The following GRM7 variants were observed in gnomAD, a reference collection of about 807,000 sequenced individuals.
The protein encoded by GRM7 is metabotropic glutamate receptor 7.
In GRM7, 35 loss-of-function variants were observed where a neutral mutation model predicts 84.5. That is an observed-to-expected ratio of 0.41 (90% CI 0.32 to 0.55). GRM7 has a LOEUF of 0.55. Ranked by LOEUF, GRM7 falls within the 20% of genes least tolerant of loss-of-function variation. GRM7 has a pLI of 0.19. For synonymous variants in GRM7, 487 were observed against 455.1 expected (o/e 1.07, Z -0.89); for missense variants, 1,003 against 1,194.6 (o/e 0.84, Z 2.36).
chr3:7,374,121 T>A (rs1694247933), intron 4 of GRM7, among the ~76,000 whole-genome samples: 1 of 152,072 alleles, frequency 6.6e-6, no homozygotes, highest in South Asian at 2.1e-4. Flanking sequence ...CAAAACAAAG[T>A]CCAAGTAACA....
At chr3:7,594,623 C>T (rs1328738855) in intron 8 of GRM7, among the ~76,000 whole-genome samples, 2 of 152,122 alleles carry the variant, frequency 1.3e-5, no homozygotes, top group Non-Finnish European at 2.9e-5. Context: ...AACCTGTCTT[C>T]CCGACAGGCC....
At chr3:7,209,765 G>A (rs896898955) in intron 2 of GRM7, among the ~76,000 whole-genome samples, 1 of 152,178 alleles carries the variant, frequency 6.6e-6, no homozygotes, top group East Asian at 1.9e-4. Context: ...GAGCAGACCA[G>A]ATTAGCCAAG....
At chr3:7,407,611 G>T (rs1173259964) in intron 4 of GRM7, among the ~76,000 whole-genome samples, 3 of 152,178 alleles carry the variant, frequency 2.0e-5, no homozygotes, top group African/African-American at 7.2e-5. Flanking sequence ...ATTTATAGAT[G>T]AGGAAAAGTA....
At chr3:7,320,578 C>A (rs576892640) in intron 4 of GRM7, among the ~76,000 whole-genome samples, 2 of 151,830 alleles carry the variant, frequency 1.3e-5, no homozygotes, top group Admixed American at 1.3e-4. Context: ...AGAAGAAGAA[C>A]AGGAAAAGGC....
At chr3:7,700,480 T>A (rs962324479) in intron 9 of GRM7, among the ~76,000 whole-genome samples, 1 of 152,238 alleles carries the variant, frequency 6.6e-6, no homozygotes, top group Non-Finnish European at 1.5e-5. Flanking sequence ...TGCTAAGGAT[T>A]TGAAATCTCA....
At chr3:6,936,339 G>T (rs77020137) in intron 1 of GRM7, among the ~76,000 whole-genome samples, 6 of 152,112 alleles carry the variant, frequency 3.9e-5, no homozygotes, top group African/African-American at 1.4e-4. Flanking sequence ...CTAGAGGGTG[G>T]TTTTCCAATA....
chr3:7,644,528 T>C (rs1288889420), intron 8 of GRM7, among the ~76,000 whole-genome samples: 1 of 152,182 alleles, frequency 6.6e-6, no homozygotes, highest in Non-Finnish European at 1.5e-5. Flanking sequence ...CCCTCTCAGA[T>C]AATTCAAAGA....
chr3:7,380,620 A>G (rs1694550558), intron 4 of GRM7, among the ~76,000 whole-genome samples: 1 of 152,326 alleles, frequency 6.6e-6, no homozygotes, highest in African/African-American at 2.4e-5. Context: ...AAGCAAGGTG[A>G]GCAAGAAGGA....
chr3:7,690,369 A>T lies in GRM7; in HGVS notation c.2698+10074A>T, dbSNP rs913357622. 3.3e-5 allele frequency among the ~76,000 whole-genome samples: 5 copies of T among 152,316 alleles called. No individual in the cohort carries two copies. In the South Asian group the frequency reaches 1.0e-3, roughly 32 times the overall value. On this transcript the variant is annotated intron_variant, in intron 9 of 9. Transcript: ENST00000357716. The stretch of plus-strand genomic sequence containing the variant: ...CTCGGTAGATGCACGGGAAACATTT[A>T]TAAGTGAATATTTGTTAGCAATAAT...
intron 7 of GRM7, among the ~76,000 whole-genome samples, chr3:7,541,936 CT>C (rs1229496648): frequency 6.6e-6 from 1 of 152,164 alleles, no homozygotes; most frequent in Non-Finnish European, 1.5e-5. Flanking sequence ...TTCCTTGCCT[CT>C]TCCTAGCTTT....
chr3:7,178,305 T>A (rs1695221279), intron 2 of GRM7, among the ~76,000 whole-genome samples: 1 of 152,336 alleles, frequency 6.6e-6, no homozygotes, highest in African/African-American at 2.4e-5. Flanking sequence ...TCTTTTTCAT[T>A]GCCTTGTTTC....
intron 4 of GRM7, among the ~76,000 whole-genome samples, chr3:7,394,312 T>A (rs975199992): frequency 2.0e-5 from 3 of 152,208 alleles, no homozygotes; most frequent in Non-Finnish European, 4.4e-5. Context: ...CTTCTGCTCG[T>A]TCACAAAGAT....
chr3:7,128,332 C>G (rs1311694008), intron 1 of GRM7, among the ~76,000 whole-genome samples: 1 of 151,680 alleles, frequency 6.6e-6, no homozygotes, highest in African/African-American at 2.4e-5. Flanking sequence ...AAACATGACT[C>G]AAGTTTGACT....
chr3:6,966,956 T>C (rs554158817), intron 1 of GRM7, among the ~76,000 whole-genome samples: 18 of 152,232 alleles, frequency 1.2e-4, no homozygotes, highest in Non-Finnish European at 2.6e-4. Context: ...AATAATAATA[T>C]CTTACAAAAT....
At chr3:7,687,576 G>C (rs779020756) in intron 9 of GRM7, among the ~76,000 whole-genome samples, 2 of 152,056 alleles carry the variant, frequency 1.3e-5, no homozygotes, top group African/African-American at 2.4e-5. Flanking sequence ...ATATAATAGA[G>C]AGACCTGTCT....
In GRM7 at chr3:7,171,861, A is replaced by G. The variant is rs570671950; in HGVS notation, c.736+25193A>G. The stretch of plus-strand genomic sequence containing the variant: ...GTTGGGTGAGGGTTGTGTGCAGTCT[A>G]GAAAGCTTCACAGTTTAAAGCATTC... On this transcript the variant is annotated intron_variant, in intron 2 of 9. Coordinates refer to ENST00000357716, the MANE Select transcript of GRM7 (RefSeq NM_000844.4). Among the ~76,000 whole-genome samples the G allele has an allele frequency of 7.2e-5, 11 of 152,330 alleles. 1 individual carries two copies. Among genetic ancestry groups the G allele is most frequent in the Middle Eastern group, 3.4e-3 (1 of 294 alleles).
intron 1 of GRM7, among the ~76,000 whole-genome samples, chr3:6,997,082 G>A (rs1218001742): frequency 1.3e-5 from 2 of 152,082 alleles, no homozygotes; most frequent in East Asian, 3.9e-4. Flanking sequence ...CTCTCTGTGA[G>A]AGAAGATAAA....
intron 2 of GRM7, among the ~76,000 whole-genome samples, chr3:7,236,368 A>G (rs111811824): frequency 5.3e-5 from 8 of 152,200 alleles, no homozygotes; most frequent in African/African-American, 1.7e-4. Flanking sequence ...AGATGTTACT[A>G]TTTTCTCCTA....
intron 1 of GRM7, among the ~76,000 whole-genome samples, chr3:6,944,659 G>A (rs76644775): frequency 0.15 from 23,357 of 151,828 alleles, 1,917 homozygotes; most frequent in African/African-American, 0.2. Context: ...ATTTTTCCCC[G>A]TACTTTTGCT....
Sources: gnomAD v4.1 joint callset for allele counts (sites outside exome capture counted in the v4.1 genomes callset) on GRCh38, gnomAD v4.1.1 for gene constraint, MANE v1.5 for transcripts, NCBI Gene and HGNC (gene_info 2026-07-23, HGNC 2026-07-21) for gene names.